Variants in ANKS1B observed in about 807,000 individuals in gnomAD.
ANKS1B encodes the protein ankyrin repeat and sterile alpha motif domain containing 1B.
ANKS1B carries 36 observed loss-of-function variants against 148.3 expected under a neutral mutation model. The observed-to-expected ratio is 0.24, with a 90% CI of 0.19 to 0.32. The LOEUF is 0.32. Ranked by LOEUF, ANKS1B falls within the 10% of genes least tolerant of loss-of-function variation. The pLI is 1.00. For synonymous variants in ANKS1B, 542 were observed against 560.8 expected (o/e 0.97, Z 0.47); for missense variants, 1,157 against 1,542.6 (o/e 0.75, Z 4.19).
At chr12:98,977,525 A>G (rs1031254442) in intron 17 of ANKS1B, among the ~76,000 whole-genome samples, 4 of 152,204 alleles carry the variant, frequency 2.6e-5, no homozygotes, top group African/African-American at 9.6e-5. Flanking sequence ...GCCACATATT[A>G]TAATGGGAAT....
intron 12 of ANKS1B, among the ~76,000 whole-genome samples, chr12:99,348,275 A>G (rs981075135): frequency 1.3e-5 from 2 of 151,910 alleles, no homozygotes; most frequent in Non-Finnish European, 2.9e-5. Flanking sequence ...TGGACAAAAG[A>G]CCAAATAATG....
intron 12 of ANKS1B, among the ~76,000 whole-genome samples, chr12:99,328,755 C>G (rs1228556786): frequency 6.6e-6 from 1 of 151,738 alleles, no homozygotes; most frequent in Non-Finnish European, 1.5e-5. Context: ...GGAAATATGA[C>G]CCAATTAAGA....
chr12:98,928,610 T>C (rs1274732673), intron 17 of ANKS1B, among the ~76,000 whole-genome samples: 1 of 152,032 alleles, frequency 6.6e-6, no homozygotes, highest in Non-Finnish European at 1.5e-5. Context: ...ATCCTGGGAA[T>C]GCAAGATGTA....
At chr12:99,005,775 A>AAC (rs140449575) in intron 17 of ANKS1B, among the ~76,000 whole-genome samples, 3,260 of 151,322 alleles carry the variant, frequency 0.022, 108 homozygotes, top group African/African-American at 0.069. Flanking sequence ...ACACAGATGG[A>AAC]ACACACACAC....
At chr12:99,578,852 TA>T (rs1301699220) in intron 9 of ANKS1B, among the ~76,000 whole-genome samples, 2 of 152,142 alleles carry the variant, frequency 1.3e-5, no homozygotes, top group Non-Finnish European at 2.9e-5. Flanking sequence ...AAAATGATTC[TA>T]AGATTTATCT....
At chr12:99,751,044 C>A (rs7299874) in intron 8 of ANKS1B, among the ~76,000 whole-genome samples, 33,071 of 151,788 alleles carry the variant, frequency 0.22, 3,806 homozygotes, top group Middle Eastern at 0.25. Context: ...GAACTCAGTA[C>A]AAATGCATTA....
At chr12:99,495,562 T>C (rs17029532) in intron 10 of ANKS1B, among the ~76,000 whole-genome samples, 42,016 of 152,042 alleles carry the variant, frequency 0.28, 7,032 homozygotes, top group African/African-American at 0.48. Flanking sequence ...TTTACAAATT[T>C]ATCATGTAGA....
chr12:99,563,512 C>T (rs1226662838), intron 9 of ANKS1B, among the ~76,000 whole-genome samples: 1 of 152,078 alleles, frequency 6.6e-6, no homozygotes, highest in African/African-American at 2.4e-5. Flanking sequence ...TCAGAAAACA[C>T]ACAACACTTA....
chr12:99,263,063 A>G (rs1258229224), intron 12 of ANKS1B, among the ~76,000 whole-genome samples: 3 of 152,178 alleles, frequency 2.0e-5, no homozygotes, highest in Non-Finnish European at 2.9e-5. Context: ...GTTCCCTCAC[A>G]TAATACCCCA....
intron 14 of ANKS1B, among the ~76,000 whole-genome samples, chr12:99,168,521 A>G (rs1207092492): frequency 6.8e-6 from 1 of 146,696 alleles, no homozygotes; most frequent in African/African-American, 2.5e-5. Flanking sequence ...CTCCATCTCA[A>G]AAAAAAAAAA....
At chr12:98,747,155 T>C (rs1226048166) in intron 26 of ANKS1B, among the ~76,000 whole-genome samples, 1 of 152,102 alleles carries the variant, frequency 6.6e-6, no homozygotes, top group African/African-American at 2.4e-5. Context: ...AGAAAATATT[T>C]GCAAAGTATC....
At chr12:99,013,981 TA>T (rs1443491311) in intron 17 of ANKS1B, among the ~76,000 whole-genome samples, 2 of 152,100 alleles carry the variant, frequency 1.3e-5, no homozygotes, top group African/African-American at 4.8e-5. Flanking sequence ...CCTATCAAAC[TA>T]CCATTGACAC....
intron 12 of ANKS1B, among the ~76,000 whole-genome samples, chr12:99,304,633 T>C (rs544788598): frequency 6.6e-6 from 1 of 152,296 alleles, no homozygotes; most frequent in African/African-American, 2.4e-5. Context: ...TCTTGGATTC[T>C]AATGATGCAC....
intron 12 of ANKS1B, among the ~76,000 whole-genome samples, chr12:99,309,912 C>T (rs570006751): frequency 1.3e-5 from 2 of 152,046 alleles, no homozygotes; most frequent in Non-Finnish European, 2.9e-5. Context: ...TTAGTAATCA[C>T]GAGTTTGGAG....
intron 19 of ANKS1B, among the ~76,000 whole-genome samples, chr12:98,810,250 C>T (rs1018855260): frequency 1.7e-4 from 26 of 152,214 alleles, no homozygotes; most frequent in African/African-American, 6.3e-4. Flanking sequence ...CACTTGTGTG[C>T]CTTCATGTCC....
intron 16 of ANKS1B, among the ~76,000 whole-genome samples, chr12:99,065,630 CCATCCATCCCAT>C (rs58312046): frequency 0.024 from 3,011 of 124,172 alleles, 92 homozygotes; most frequent in African/African-American, 0.081. Flanking sequence ...ATCCATCCAT[CCATCCATCCCAT>C]CCATCCATCC....
At position 99,315,569 on chromosome 12, in the gene ANKS1B, A is replaced by C. The variant is rs553448038; in HGVS notation, c.1757-68705T>G. Among the ~76,000 whole-genome samples the C allele has an allele frequency of 8.5e-5, 13 of 152,250 alleles. No individual in the cohort carries two copies. The South Asian group carries it at 2.7e-3, about 32-fold the overall frequency. ...ATTATTTTTTTCTATAAGTTTTATT[A>C]ATATTTGAATATAATTCACATAACA... On this transcript the variant is annotated intron_variant, in intron 12 of 26. Transcript: ENST00000683438.
chr12:99,292,925 T>C (rs550936648), intron 12 of ANKS1B, among the ~76,000 whole-genome samples: 199 of 152,270 alleles, frequency 1.3e-3, no homozygotes, highest in African/African-American at 4.6e-3. Flanking sequence ...AGTTCAACCA[T>C]TGTGGAAGAC....
At position 98,777,395 on chromosome 12, in the gene ANKS1B, T is replaced by C. The variant is rs549093640; in HGVS notation, c.3441+3722A>G. 3.3e-5 allele frequency among the ~76,000 whole-genome samples: 5 copies of C among 152,278 alleles called. No individual in the cohort carries two copies. In the East Asian group the frequency reaches 9.6e-4, roughly 29 times the overall value. ...CTGCATCATTTTTAATTTAGCCAGATGGGAAGGCTGAGGAGGGAGTCAGCA... is the reference window on the plus strand; with the variant it reads ...CTGCATCATTTTTAATTTAGCCAGACGGGAAGGCTGAGGAGGGAGTCAGCA... On this transcript the variant is annotated intron_variant, in intron 24 of 26. Coordinates refer to ENST00000683438, the MANE Select transcript of ANKS1B (RefSeq NM_001352186.2).
Sources: allele counts gnomAD v4.1 joint callset (sites outside exome capture counted in the v4.1 genomes callset), GRCh38; gene constraint gnomAD v4.1.1; transcripts MANE v1.5; gene names NCBI Gene and HGNC (gene_info 2026-07-23, HGNC 2026-07-21).